Variants in CPEB2 observed in about 807,000 individuals in gnomAD.
CPEB2 encodes the protein cytoplasmic polyadenylation element binding protein 2.
Under a neutral mutation model 93.6 loss-of-function variants are expected in CPEB2, and 56 were observed. The ratio of observed to expected loss-of-function variants is 0.60; its 90% CI spans 0.48 to 0.75. The LOEUF is 0.75. CPEB2 is among the 30% of genes least tolerant of loss of function. The pLI, the probability that CPEB2 is intolerant of heterozygous loss-of-function variation, is 0.00. For synonymous variants in CPEB2, 764 were observed against 586.3 expected, an observed-to-expected ratio of 1.30 and a Z score of -4.38; for missense variants, 1,579 against 1,395.1, an observed-to-expected ratio of 1.13 and a Z score of -2.10.
chr4:15,042,627 A>C (rs1403646283), intron 6 of CPEB2, among the ~76,000 whole-genome samples: 1 of 152,206 alleles, frequency 6.6e-6, no homozygotes, highest in Non-Finnish European at 1.5e-5. Context: ...TACTTTTAAA[A>C]TTTTGATTGT....
chr4:15,035,063 G>T (rs1369421950), intron 5 of CPEB2, among the ~76,000 whole-genome samples: 1 of 152,082 alleles, frequency 6.6e-6, no homozygotes, highest in Non-Finnish European at 1.5e-5. Context: ...TCTACTTTTT[G>T]AATTATGAAA....
rs1036724575 is a variant in CPEB2 at position 15,068,044 on chromosome 4, A to G, written c.*1664A>G. 32 of 152,354 alleles carry G rather than the reference A, an allele frequency of 2.1e-4. No homozygotes were observed. The highest frequency in any genetic ancestry group is 1.5e-5 in the Non-Finnish European group (1 of 67,880). The allele number at this position is 152,354 out of a possible 1,614,324, so 9.4% of individuals were successfully genotyped here. On this transcript the variant is annotated 3_prime_UTR_variant, in exon 12 of 12. Transcript: ENST00000538197. ...GCAACTAGCCCCTATATTTTAATGT[A>G]AGAGTTACTCTGCAATCTAAGCAAA...
In CPEB2 at chr4:15,002,964, G is replaced by A. The variant is rs1209681490; in HGVS notation, c.291G>A (p.Leu97=). The A allele has an allele frequency of 2.6e-6, 4 of 1,510,420 alleles. No individual in the cohort carries two copies. Among genetic ancestry groups the A allele is most frequent in the East Asian group, 2.5e-5 (1 of 40,436 alleles). 93.6% of individuals were successfully genotyped at this position (1,510,420 alleles called of 1,614,324 possible). The change falls in exon 1 of 12, where the codon CTG becomes CTA. Residue 97 remains leucine, a synonymous_variant. Transcript: ENST00000538197. ...ATCAGCAGACCATGCAGGATGAGCT[G>A]CTTCTGGGGCTGACACAGCAGCCGG... is the stretch of plus-strand genomic sequence containing the variant. ...LAHQQTMQDE[L]LLGLTQQPAR... is the part of the protein sequence containing the mutation.
At chr4:15,019,392 C>T (rs911234626) in intron 4 of CPEB2, among the ~76,000 whole-genome samples, 1 of 151,464 alleles carries the variant, frequency 6.6e-6, no homozygotes, top group African/African-American at 2.4e-5. Flanking sequence ...TCTTTCTCTC[C>T]GTACTCTGAT....
chr4:15,003,560 C>T lies in CPEB2; in HGVS notation c.887C>T (p.Ser296Phe), dbSNP rs1341682701. 2.1e-6 allele frequency: 3 copies of T among 1,460,230 alleles called. No individual in the cohort carries two copies. The highest frequency in any genetic ancestry group is 2.7e-6 in the Non-Finnish European group (3 of 1,109,196). 90.5% of individuals were successfully genotyped at this position (1,460,230 alleles called of 1,614,324 possible). Reference sequence around the variant, plus strand: ...GCGGGCGAGGGCAGCGCCGCCGAGTCCCCCAATGCGGGCTTGGCCTCCTCG... The same window carrying T: ...GCGGGCGAGGGCAGCGCCGCCGAGTTCCCCAATGCGGGCTTGGCCTCCTCG... The part of the protein sequence containing the change: ...PAAGEGSAAE[S>F]PNAGLASSTP... Residue 296 changes from serine (S) to phenylalanine (F), a missense_variant, in exon 1 of 12, where the codon TCC becomes TTC. Around this residue, in one of 2 missense-constraint regions of CPEB2, gnomAD observed 1,411 missense variants for 1,056.0 expected, o/e 1.34. Transcript: ENST00000538197.
At position 15,007,360 on chromosome 4, in the gene CPEB2, G is replaced by A. The variant is rs1722951011; in HGVS notation, c.1718G>A (p.Gly573Glu). The A allele has an allele frequency of 5.6e-6, 9 of 1,601,354 alleles. No individual in the cohort carries two copies. The highest frequency in any genetic ancestry group is 7.7e-6 in the Non-Finnish European group (9 of 1,171,922). Residue 573 changes from glycine to glutamate, a missense_variant, in exon 2 of 12, where the codon GGA (glycine) becomes GAA (glutamate). Transcript: ENST00000538197. ...SNHQSSGWGT[G>E]SMSWGAMHGR... ...CATCAGAGCAGTGGCTGGGGCACTG[G>A]AAGTATGTCCTGGGGAGCAATGCAT...
intron 3 of CPEB2, among the ~76,000 whole-genome samples, chr4:15,012,827 G>T (rs948780596): frequency 6.6e-6 from 1 of 151,938 alleles, no homozygotes; most frequent in Non-Finnish European, 1.5e-5. Flanking sequence ...TAAGAATATA[G>T]GGGTTTTCTA....
At chr4:15,063,396 CT>C (rs1729391427) in intron 11 of CPEB2, among the ~76,000 whole-genome samples, 1 of 151,238 alleles carries the variant, frequency 6.6e-6, no homozygotes, top group Non-Finnish European at 1.5e-5. Flanking sequence ...AGGAGGTGCT[CT>C]GCTTTTGACA....
intron 4 of CPEB2, among the ~76,000 whole-genome samples, chr4:15,023,870 C>T (rs1368081852): frequency 6.6e-6 from 1 of 151,688 alleles, no homozygotes; most frequent in Non-Finnish European, 1.5e-5. Flanking sequence ...TTCAATATTT[C>T]CCCTACTCTG....
chr4:15,034,405 A>G (rs1234994079), intron 5 of CPEB2, among the ~76,000 whole-genome samples: 4 of 152,222 alleles, frequency 2.6e-5, no homozygotes, highest in Non-Finnish European at 5.9e-5. Flanking sequence ...AAAAGCCCTT[A>G]TAAATAATCT....
chr4:15,003,744 G>A lies in CPEB2; in HGVS notation c.1071G>A (p.Gly357=). The A allele has an allele frequency of 7.9e-7, 1 of 1,268,300 alleles. No individual in the cohort carries two copies. The highest frequency in any genetic ancestry group is 9.9e-7 in the Non-Finnish European group (1 of 1,011,926). The allele number at this position is 1,268,300 out of a possible 1,614,324, so 78.6% of individuals were successfully genotyped here. A position where few individuals can be genotyped will look rare whatever the true frequency, so the allele number is the denominator to read the frequency against. ...LPHPGGGGGG[G]GGGPPGGGGG... ...ACCCGGGCGGCGGCGGCGGCGGCGG[G>A]GGCGGGGGGCCCCCAGGAGGCGGAG... is the stretch of plus-strand genomic sequence containing the variant. The change falls in exon 1 of 12, where the codon GGG becomes GGA. Residue 357 remains glycine, a synonymous_variant. Coordinates refer to ENST00000538197, the MANE Select transcript of CPEB2 (RefSeq NM_001177382.2).
In CPEB2 at chr4:15,002,527, A is replaced by C; in HGVS notation, c.-147A>C. On this transcript the variant is annotated 5_prime_UTR_variant, in exon 1 of 12. Transcript: ENST00000538197. ...ATCGCCGCGAGGGGTGGTGGGGCCG[A>C]AGTCGGTGCCCCCTGGCTCAGTCAC... 1 of 552,110 alleles carries C rather than the reference A, an allele frequency of 1.8e-6. No homozygotes were observed. Among genetic ancestry groups the C allele is most frequent in the Non-Finnish European group, 2.9e-6 (1 of 346,862 alleles). The allele number at this position is 552,110 out of a possible 1,614,324, so 34.2% of individuals were successfully genotyped here. A position where few individuals can be genotyped will look rare whatever the true frequency, so the allele number is the denominator to read the frequency against.
chr4:15,012,829 G>C (rs1723664305), intron 3 of CPEB2, among the ~76,000 whole-genome samples: 1 of 151,650 alleles, frequency 6.6e-6, no homozygotes, highest in East Asian at 1.9e-4. Context: ...AGAATATAGG[G>C]GTTTTCTATA....
rs1728907492 is a variant in CPEB2 at position 15,058,453 on chromosome 4, T to C, written c.2494T>C (p.Ser832Pro). The change falls in exon 9 of 12, where the codon TCA (serine) becomes CCA (proline). Residue 832 changes from serine to proline, a missense_variant. Transcript: ENST00000538197. ...YAFLLFQEES[S>P]VQALIDACIE... ...ATTTCTTCTCTTTCAAGAAGAGAGC[T>C]CAGTTCAGGCACTCATTGATGCTTG... 1 of 1,611,320 alleles carries C rather than the reference T, an allele frequency of 6.2e-7. No individual in the cohort carries two copies. The highest frequency in any genetic ancestry group is 1.3e-5 in the African/African-American group (1 of 74,808).
chr4:15,062,482 CAA>C lies in CPEB2; in HGVS notation c.2877+225_2877+226del, dbSNP rs1234629505. Among the ~76,000 whole-genome samples, 16 of 152,126 alleles carry C rather than the reference CAA, an allele frequency of 1.1e-4. 1 individual carries two copies. In the East Asian group the frequency reaches 3.1e-3, roughly 29 times the overall value. On this transcript the variant is annotated intron_variant, in intron 11 of 11. Transcript: ENST00000538197. ...TATTAATATCATTGTGCAGCCATGT[CAA>C]AATTTTTTAATCAGCCAGTAAGGTC...
rs1204124568 is a variant in CPEB2 at position 15,038,351 on chromosome 4, ACAT to A, written c.2177-2109_2177-2107del. ...ATAGGTCAATAATTGTGACATTATG[ACAT>A]CATAATTTATCATTTGACTTTAAAC... is the stretch of plus-strand genomic sequence containing the variant. On this transcript the variant is annotated intron_variant, in intron 5 of 11. Transcript: ENST00000538197. 2.6e-5 allele frequency among the ~76,000 whole-genome samples: 4 copies of A among 152,184 alleles called. No homozygotes were observed. In the East Asian group the frequency reaches 5.8e-4, roughly 22 times the overall value.
intron 4 of CPEB2, 64 bp from the exon 5 acceptor site, chr4:15,033,094 GTTT>G: frequency 1.8e-6 from 2 of 1,129,604 alleles, no homozygotes; most frequent in East Asian, 4.8e-5. Flanking sequence ...GTTGTTTTTT[GTTT>G]TTTTGTTTTT....
At chr4:15,052,650 T>A (rs1042879493) in intron 7 of CPEB2, 66 bp downstream of exon 7, 4 of 1,070,272 alleles carry the variant, frequency 3.7e-6, no homozygotes, top group Non-Finnish European at 3.8e-6. Flanking sequence ...GATATGAAAT[T>A]TAATGTGAAT....
intron 6 of CPEB2, among the ~76,000 whole-genome samples, chr4:15,041,135 G>C (rs894788158): frequency 2.0e-5 from 3 of 152,016 alleles, no homozygotes; most frequent in African/African-American, 4.8e-5. Flanking sequence ...ACTATGTGAT[G>C]CAAGACTATT....
Sources: allele counts gnomAD v4.1 joint callset (sites outside exome capture counted in the v4.1 genomes callset), GRCh38; gene constraint gnomAD v4.1.1; regional missense constraint gnomAD v4.1.1; transcripts MANE v1.5; gene names NCBI Gene and HGNC (gene_info 2026-07-23, HGNC 2026-07-21).